Variants in TGM7 observed in about 807,000 individuals in gnomAD.
TGM7 encodes transglutaminase 7.
A neutral mutation model predicts 79.5 loss-of-function variants in TGM7; 74 were observed. That is an observed-to-expected ratio of 0.93 (90% CI 0.77 to 1.13). The LOEUF is 1.13. TGM7 is among the 50% of genes most tolerant of loss of function. The pLI is 0.00. For missense variants in TGM7, 912 were observed against 905.9 expected, an observed-to-expected ratio of 1.01 and a Z score of -0.09; for synonymous variants, 354 against 362.5, an observed-to-expected ratio of 0.98 and a Z score of 0.27.
intron 2 of TGM7, among the ~76,000 whole-genome samples, chr15:43,293,221 G>C (rs1343724683): frequency 6.6e-6 from 1 of 152,170 alleles, no homozygotes; most frequent in African/African-American, 2.4e-5. Context: ...CACAGTGCTT[G>C]TTGTGTATCT....
At chr15:43,292,502 A>G (rs2042968479) in intron 3 of TGM7, among the ~76,000 whole-genome samples, 1 of 152,234 alleles carries the variant, frequency 6.6e-6, no homozygotes, top group South Asian at 2.1e-4. Context: ...TCATATTAGG[A>G]AATGTTTCAA....
chr15:43,288,297 G>A (rs1028733664), intron 4 of TGM7, among the ~76,000 whole-genome samples: 2 of 152,158 alleles, frequency 1.3e-5, no homozygotes, highest in African/African-American at 4.8e-5. Context: ...CGCCACGGTT[G>A]GAGAATGGGG....
chr15:43,279,730 T>C lies in TGM7; in HGVS notation c.1573A>G (p.Ile525Val). 1.9e-6 allele frequency: 3 copies of C among 1,614,030 alleles called. No homozygotes were observed. The highest frequency in any genetic ancestry group is 2.5e-6 in the Non-Finnish European group (3 of 1,180,026). ...VPDSTHPRGPIGLVVRFCAQA... is the reference protein window; with the variant it reads ...VPDSTHPRGPVGLVVRFCAQA... ...GCACAGAAGCGCACCACCAGTCCGA[T>C]GGGCCCCCGAGGGTGGGTGCTGTCT... The change falls in exon 10 of 13, where the codon ATC (isoleucine) becomes GTC (valine). Residue 525 changes from isoleucine (I) to valine (V), a missense_variant. Transcript: ENST00000452443.
rs2042887381 is a variant in TGM7 at position 43,278,123 on chromosome 15, GC to G, written c.1839+993del. Among the ~76,000 whole-genome samples, 4 of 152,342 alleles carry G rather than the reference GC, an allele frequency of 2.6e-5. No individual in the cohort carries two copies. In the South Asian group the frequency reaches 8.3e-4, roughly 32 times the overall value. ...TGCCTGGGTGAAAACCCTGGGGTAG[GC>G]CAGCTGATTTATGGTCTGGAGCTGC... On this transcript the variant is annotated intron_variant, in intron 11 of 12. Transcript: ENST00000452443.
At chr15:43,279,563 G>A (rs569687358) in intron 10 of TGM7, 62 bp downstream of exon 10, 2 of 1,509,444 alleles carry the variant, frequency 1.3e-6, no homozygotes, top group African/African-American at 2.8e-5. Flanking sequence ...CCACCCCACT[G>A]TGTTCATGGA....
At chr15:43,295,894 T>C (rs1660623186) in intron 1 of TGM7, among the ~76,000 whole-genome samples, 1 of 152,232 alleles carries the variant, frequency 6.6e-6, no homozygotes, top group African/African-American at 2.4e-5. Context: ...AATAGATATG[T>C]TATTGGAACC....
At position 43,287,338 on chromosome 15, in the gene TGM7, C is replaced by A. The variant is rs573441755; in HGVS notation, c.807G>T (p.Arg269Ser). Residue 269 changes from arginine to serine, a missense_variant, in exon 6 of 13, where the codon AGG becomes AGT. Physicochemically the swap from Arg to Ser is moderately radical, Grantham distance 110. Transcript: ENST00000452443. ...GTCCGTACTTCACAGGCTGCCCGCC[C>A]CTGGCTGACCACTGCTGTAGGATGG... ...SVAILQQWSA[R>S]GGQPVKYGQC... 27 of 1,614,154 alleles carry A rather than the reference C, an allele frequency of 1.7e-5. No individual in the cohort carries two copies. In the East Asian group the frequency reaches 6.0e-4, roughly 36 times the overall value.
At chr15:43,293,388 G>T in intron 2 of TGM7, 61 bp downstream of exon 2, 1 of 1,517,538 alleles carries the variant, frequency 6.6e-7, no homozygotes, top group South Asian at 1.3e-5. Context: ...CCCGCAGGCA[G>T]ACTCTGTAAA....
chr15:43,280,452 C>T (rs1402641060), intron 9 of TGM7, among the ~76,000 whole-genome samples: 1 of 152,082 alleles, frequency 6.6e-6, no homozygotes. Flanking sequence ...AGTGAAACCT[C>T]GTCTCTACTA....
chr15:43,300,161 C>T (rs1441122833), intron 1 of TGM7, among the ~76,000 whole-genome samples: 2 of 152,186 alleles, frequency 1.3e-5, no homozygotes, highest in Non-Finnish European at 2.9e-5. Flanking sequence ...AAAATTCTTC[C>T]CAAGCATTTC....
At chr15:43,291,535 AT>A (rs1400296414) in intron 4 of TGM7, among the ~76,000 whole-genome samples, 3 of 152,368 alleles carry the variant, frequency 2.0e-5, no homozygotes, top group African/African-American at 7.2e-5. Flanking sequence ...ACATCACAAA[AT>A]ATTATTCTTT....
intron 12 of TGM7, 51 bp from the exon 13 acceptor site, chr15:43,276,665 C>G: frequency 2.5e-6 from 4 of 1,581,982 alleles, no homozygotes; most frequent in Non-Finnish European, 3.4e-6. Context: ...CTGCTGGCGG[C>G]AGGGGTGATC....
intron 11 of TGM7, 37 bp downstream of exon 11, chr15:43,279,078 CAG>C (rs760482045): frequency 6.3e-7 from 1 of 1,586,008 alleles, no homozygotes; most frequent in Non-Finnish European, 8.6e-7. Context: ...TTGGGTGAGT[CAG>C]AGAGCCTCAG....
At chr15:43,287,150 G>A (rs2042939192) in intron 6 of TGM7, 130 bp downstream of exon 6, 4 of 1,034,468 alleles carry the variant, frequency 3.9e-6, no homozygotes, top group Non-Finnish European at 4.3e-6. Context: ...TGGTGTGCTA[G>A]CTCAGGGCCT....
Position 43,297,522 on chromosome 15 carries a change from G to A in TGM7, c.11-3891C>T, listed in dbSNP as rs28496779. On this transcript the variant is annotated intron_variant, in intron 1 of 12. Transcript: ENST00000452443. ...AAGAAAGAAAGAAGGAAGGAAGGAA[G>A]GAAAGAAAGAAAGAAAGAGAAAAAG... Among the ~76,000 whole-genome samples, 1,068 of 129,384 alleles carry A rather than the reference G, an allele frequency of 8.3e-3. 20 individuals carry two copies. Among genetic ancestry groups the A allele is most frequent in the African/African-American group, 0.025 (913 of 36,214 alleles). 84.9% of individuals were successfully genotyped at this position (129,384 alleles called of 152,430 possible). A position where few individuals can be genotyped will look rare whatever the true frequency, so the allele number is the denominator to read the frequency against.
intron 6 of TGM7, 110 bp downstream of exon 6, chr15:43,287,170 C>G: frequency 7.5e-7 from 1 of 1,335,026 alleles, no homozygotes; most frequent in Non-Finnish European, 1.0e-6. Flanking sequence ...TGGGTGCCCA[C>G]CACCCCCAGC....
chr15:43,297,272 G>A (rs1441617029), intron 1 of TGM7, among the ~76,000 whole-genome samples: 1 of 151,956 alleles, frequency 6.6e-6, no homozygotes, highest in Non-Finnish European at 1.5e-5. Flanking sequence ...GACCAACATG[G>A]TGAAACCCTG....
chr15:43,296,424 CAA>C (rs35879868), intron 1 of TGM7, among the ~76,000 whole-genome samples: 5 of 78,196 alleles, frequency 6.4e-5, no homozygotes, highest in Admixed American at 1.5e-4. Flanking sequence ...GACTCTGTCT[CAA>C]AAAAAAAAAA....
chr15:43,296,226 C>T (rs2042991478), intron 1 of TGM7, among the ~76,000 whole-genome samples: 2 of 152,090 alleles, frequency 1.3e-5, no homozygotes, highest in Admixed American at 6.6e-5. Flanking sequence ...GAGATTGAGA[C>T]CATCCTGGCT....
Sources: gnomAD v4.1 joint callset for allele counts (sites outside exome capture counted in the v4.1 genomes callset) on GRCh38, gnomAD v4.1.1 for gene constraint, MANE v1.5 for transcripts, NCBI Gene and HGNC (gene_info 2026-07-23, HGNC 2026-07-21) for gene names.